ZBBX: variants seen among roughly 807,000 people sequenced by gnomAD.
ZBBX encodes zinc finger B-box domain containing, also known as zinc finger B-box domain-containing protein 1.
Under a neutral mutation model 108.5 loss-of-function variants are expected in ZBBX, and 101 were observed. That is an observed-to-expected ratio of 0.93 (90% CI 0.79 to 1.10). The LOEUF is 1.10. ZBBX is among the 50% of genes least tolerant of loss of function. The pLI is 0.00. For synonymous variants in ZBBX, 356 were observed against 323.4 expected (o/e 1.10, Z -1.08); for missense variants, 1,009 against 941.4 (o/e 1.07, Z -0.94).
the ZBBX span, among the ~76,000 whole-genome samples, chr3:167,233,623 T>A: frequency 6.6e-6 from 1 of 151,810 alleles, no homozygotes; most frequent in Non-Finnish European, 1.5e-5. Context: ...TACACAATTT[T>A]ACTTCTCACT....
rs570504748 is a variant in ZBBX at position 167,359,483 on chromosome 3, C to T, written c.432+387G>A. Reference sequence around the variant, plus strand: ...ATATGATGACAGCAAGTATAGACAACTCTTCAGAAGAGTTTTACAATAATG... The same window carrying T: ...ATATGATGACAGCAAGTATAGACAATTCTTCAGAAGAGTTTTACAATAATG... On this transcript the variant is annotated intron_variant, in intron 8 of 21. Coordinates refer to ENST00000675490, the MANE Select transcript of ZBBX (RefSeq NM_001199201.2). Among the ~76,000 whole-genome samples, 46 of 152,238 alleles carry T rather than the reference C, an allele frequency of 3.0e-4. No individual in the cohort carries two copies. In the South Asian group the frequency reaches 9.1e-3, roughly 30 times the overall value.
chr3:167,319,562 G>A (rs1736066349), intron 12 of ZBBX, among the ~76,000 whole-genome samples: 1 of 151,976 alleles, frequency 6.6e-6, no homozygotes, highest in African/African-American at 2.4e-5. Context: ...CAACCTTAAA[G>A]GAGGTAAGAA....
At chr3:167,267,900 C>T (rs1160567170) in intron 20 of ZBBX, among the ~76,000 whole-genome samples, 1 of 151,654 alleles carries the variant, frequency 6.6e-6, no homozygotes, top group Non-Finnish European at 1.5e-5. Flanking sequence ...TCCCCTCAGG[C>T]AGCTGCTGCT....
upstream of ZBBX, among the ~76,000 whole-genome samples, chr3:167,383,982 G>C (rs554244978): frequency 2.0e-5 from 3 of 152,172 alleles, no homozygotes; most frequent in Admixed American, 1.3e-4. Flanking sequence ...GTGGCAAAAA[G>C]ATAAGAATGA....
intron 8 of ZBBX, among the ~76,000 whole-genome samples, chr3:167,356,331 A>G (rs1194605127): frequency 2.0e-5 from 3 of 152,082 alleles, no homozygotes; most frequent in Non-Finnish European, 4.4e-5. Context: ...AGAGTATTCT[A>G]CTACCAAGAG....
chr3:167,326,691 T>TA lies in ZBBX; in HGVS notation c.862+1250dup, dbSNP rs1477613473. Among the ~76,000 whole-genome samples the TA allele has an allele frequency of 2.9e-4, 44 of 152,182 alleles. 1 individual carries two copies. Among genetic ancestry groups the TA allele is most frequent in the Non-Finnish European group, 2.1e-4 (14 of 67,962 alleles). ...AACACAGCCAATGAGAAATGAGGTG[T>TA]ATACTGAGATATAAACTACTAAGAA... On this transcript the variant is annotated intron_variant, in intron 11 of 21. Transcript: ENST00000675490.
intron 1 of ZBBX, among the ~76,000 whole-genome samples, chr3:167,387,496 G>T (rs903410900): frequency 2.0e-5 from 3 of 151,988 alleles, no homozygotes; most frequent in South Asian, 4.1e-4. Context: ...CATCATACTG[G>T]TATGGAGCGT....
chr3:167,377,666 T>A (rs540248337), intron 2 of ZBBX, among the ~76,000 whole-genome samples: 2 of 151,668 alleles, frequency 1.3e-5, no homozygotes, highest in South Asian at 4.1e-4. Flanking sequence ...TAATTATCCT[T>A]ATTTTAAATA....
chr3:167,247,985 C>A (rs957772456), intron 20 of ZBBX, among the ~76,000 whole-genome samples: 6 of 152,138 alleles, frequency 3.9e-5, no homozygotes, highest in African/African-American at 1.4e-4. Context: ...TTATCTCTTT[C>A]TTTATAATGT....
At chr3:167,263,499 G>A (rs991525807) in intron 20 of ZBBX, among the ~76,000 whole-genome samples, 2 of 152,018 alleles carry the variant, frequency 1.3e-5, no homozygotes, top group African/African-American at 4.8e-5. Context: ...TCATTTGGGA[G>A]CATACTGTTT....
chr3:167,213,219 T>G, the ZBBX span, among the ~76,000 whole-genome samples: 1 of 151,960 alleles, frequency 6.6e-6, no homozygotes, highest in Admixed American at 6.6e-5. Context: ...GAAATAGAAT[T>G]CAGAATATGG....
At chr3:167,263,029 C>T (rs1724823123) in intron 20 of ZBBX, among the ~76,000 whole-genome samples, 1 of 128,130 alleles carries the variant, frequency 7.8e-6, no homozygotes, top group Non-Finnish European at 1.6e-5. Flanking sequence ...GCTTGCTTTT[C>T]TAGTTCTTTT....
At chr3:167,300,780 G>A (rs531842440) in intron 17 of ZBBX, among the ~76,000 whole-genome samples, 19 of 151,868 alleles carry the variant, frequency 1.3e-4, no homozygotes, top group Non-Finnish European at 2.5e-4. Context: ...ACCACGCCCA[G>A]CTAATTTTTG....
chr3:167,404,021 C>T (rs527982927), intron 1 of ZBBX, among the ~76,000 whole-genome samples: 69 of 151,846 alleles, frequency 4.5e-4, no homozygotes, highest in South Asian at 1.2e-3. Flanking sequence ...TTGTCAGAGG[C>T]GAAAAAAGTC....
chr3:167,250,917 A>C (rs1199750757), intron 20 of ZBBX, among the ~76,000 whole-genome samples: 1 of 152,188 alleles, frequency 6.6e-6, no homozygotes, highest in East Asian at 1.9e-4. Context: ...GCCTATAAAA[A>C]CCCGAGACCC....
intron 17 of ZBBX, among the ~76,000 whole-genome samples, chr3:167,304,994 T>A (rs922291660): frequency 2.0e-5 from 3 of 152,146 alleles, no homozygotes; most frequent in African/African-American, 7.2e-5. Context: ...AAATGACTTT[T>A]AAGCATTGTT....
chr3:167,290,576 A>G (rs187878889), intron 18 of ZBBX, among the ~76,000 whole-genome samples: 2 of 152,308 alleles, frequency 1.3e-5, no homozygotes, highest in African/African-American at 4.8e-5. Context: ...GACCAAAGGT[A>G]GATAAATTCA....
At chr3:167,331,091 T>C (rs1263992836) in intron 10 of ZBBX, among the ~76,000 whole-genome samples, 1 of 151,940 alleles carries the variant, frequency 6.6e-6, no homozygotes, top group Non-Finnish European at 1.5e-5. Context: ...AGCACCTTTA[T>C]CTGGGACTTC....
intron 20 of ZBBX, among the ~76,000 whole-genome samples, chr3:167,278,338 T>C (rs1326095492): frequency 1.3e-5 from 2 of 150,970 alleles, no homozygotes; most frequent in African/African-American, 4.9e-5. Flanking sequence ...ATCAACAAAA[T>C]TGATAAACCA....
Sources: gnomAD v4.1 joint callset for allele counts (sites outside exome capture counted in the v4.1 genomes callset) on GRCh38, gnomAD v4.1.1 for gene constraint, MANE v1.5 for transcripts, NCBI Gene and HGNC (gene_info 2026-07-23, HGNC 2026-07-21) for gene names.